PDE3B: variants seen among roughly 807,000 people sequenced by gnomAD.
PDE3B encodes cGMP-inhibited 3',5'-cyclic phosphodiesterase 3B.
Under a neutral mutation model 116.8 loss-of-function variants are expected in PDE3B, and 66 were observed. That is an observed-to-expected ratio of 0.56 (90% CI 0.46 to 0.69). The LOEUF is 0.69. Ranked by LOEUF, PDE3B falls within the 30% of genes least tolerant of loss-of-function variation. The pLI, the probability that PDE3B is intolerant of heterozygous loss-of-function variation, is 0.00. For synonymous variants in PDE3B, 595 were observed against 533.6 expected (o/e 1.12, Z -1.59); for missense variants, 1,384 against 1,368.1 (o/e 1.01, Z -0.18).
At chr11:14,670,710 A>G (rs7109892) in intron 1 of PDE3B, among the ~76,000 whole-genome samples, 2,369 of 152,244 alleles carry the variant, frequency 0.016, 55 homozygotes, top group African/African-American at 0.054. Context: ...ATAATAGTCT[A>G]TTACTTTATC....
intron 1 of PDE3B, among the ~76,000 whole-genome samples, chr11:14,679,582 G>T (rs933324706): frequency 2.0e-5 from 3 of 151,618 alleles, no homozygotes; most frequent in Admixed American, 2.0e-4. Flanking sequence ...TCTTCACTCG[G>T]GACCCTTGGT....
intron 2 of PDE3B, among the ~76,000 whole-genome samples, chr11:14,778,411 C>G (rs865821237): frequency 3.5e-4 from 54 of 152,232 alleles, no homozygotes; most frequent in African/African-American, 1.1e-3. Flanking sequence ...TGGGAGGCAT[C>G]TCCCAGTAGG....
chr11:14,657,888 G>C (rs146644221), intron 1 of PDE3B, among the ~76,000 whole-genome samples: 103 of 152,340 alleles, frequency 6.8e-4, no homozygotes, highest in Middle Eastern at 6.8e-3. Flanking sequence ...TGAGATATCA[G>C]AATACTACCT....
chr11:14,663,847 A>C (rs1176474585), intron 1 of PDE3B, among the ~76,000 whole-genome samples: 2 of 151,880 alleles, frequency 1.3e-5, no homozygotes, highest in Non-Finnish European at 2.9e-5. Flanking sequence ...CACTGTCAAC[A>C]TTAGATCAAC....
chr11:14,646,519 G>C (rs540774556), intron 1 of PDE3B, among the ~76,000 whole-genome samples: 9 of 152,130 alleles, frequency 5.9e-5, no homozygotes, highest in Non-Finnish European at 1.2e-4. Context: ...ATTTATTATG[G>C]AACAAAGTGG....
At chr11:14,704,590 A>G (rs564610110) in intron 1 of PDE3B, among the ~76,000 whole-genome samples, 3 of 151,886 alleles carry the variant, frequency 2.0e-5, no homozygotes, top group African/African-American at 4.8e-5. Flanking sequence ...TATGGACAAT[A>G]GACCCACACA....
intron 4 of PDE3B, among the ~76,000 whole-genome samples, chr11:14,797,814 T>C (rs1858603934): frequency 6.6e-6 from 1 of 152,208 alleles, no homozygotes; most frequent in African/African-American, 2.4e-5. Flanking sequence ...GCTTATCAGC[T>C]TAAGGAGATT....
intron 1 of PDE3B, among the ~76,000 whole-genome samples, chr11:14,650,201 GTTT>G (rs59519371): frequency 4.6e-5 from 6 of 130,826 alleles, no homozygotes; most frequent in African/African-American, 5.6e-5. Flanking sequence ...ATTCAGCAAT[GTTT>G]TTTTTTTTTT....
chr11:14,891,847 C>T, the PDE3B span: 4 of 1,414,924 alleles, frequency 2.8e-6, no homozygotes, highest in South Asian at 3.0e-5. Context: ...GCGGGTGTCC[C>T]TCAAAGGGCA....
At chr11:14,878,996 G>A in the PDE3B span, 2 of 831,072 alleles carry the variant, frequency 2.4e-6, no homozygotes, top group Admixed American at 2.2e-5. Flanking sequence ...AATCAGTTCT[G>A]TGTTTTTAGA....
chr11:14,721,525 A>C (rs1010545478), intron 1 of PDE3B, among the ~76,000 whole-genome samples: 1 of 151,834 alleles, frequency 6.6e-6, no homozygotes, highest in African/African-American at 2.4e-5. Flanking sequence ...GAACCGACCC[A>C]AATGTCCAAC....
At chr11:14,891,541 C>A in the PDE3B span, 3 of 1,009,424 alleles carry the variant, frequency 3.0e-6, no homozygotes, top group African/African-American at 5.2e-5. Context: ...TGCTATTAAC[C>A]ATCTAGAACT....
chr11:14,757,023 A>T (rs886611131), intron 1 of PDE3B, among the ~76,000 whole-genome samples: 1 of 143,754 alleles, frequency 7.0e-6, no homozygotes, highest in Non-Finnish European at 1.5e-5. Flanking sequence ...TCATTGTTCA[A>T]TTCCCACCTA....
At chr11:14,766,623 A>T (rs1857504814) in intron 1 of PDE3B, among the ~76,000 whole-genome samples, 1 of 151,658 alleles carries the variant, frequency 6.6e-6, no homozygotes, top group South Asian at 2.1e-4. Context: ...CATTGAACTC[A>T]GCATAATGTA....
chr11:14,851,380 C>G (rs548525489), intron 12 of PDE3B, among the ~76,000 whole-genome samples: 2 of 151,836 alleles, frequency 1.3e-5, no homozygotes, highest in Admixed American at 1.3e-4. Flanking sequence ...TTTCTTCAAT[C>G]TCTTTCATAT....
intron 3 of PDE3B, among the ~76,000 whole-genome samples, chr11:14,788,062 A>G (rs1241016429): frequency 6.6e-6 from 1 of 151,886 alleles, no homozygotes; most frequent in Non-Finnish European, 1.5e-5. Context: ...AAGGAAGGTT[A>G]TTTTGGGTTC....
chr11:14,719,085 G>T (rs1856017060), intron 1 of PDE3B, among the ~76,000 whole-genome samples: 1 of 72,072 alleles, frequency 1.4e-5, no homozygotes, highest in African/African-American at 5.9e-5. Flanking sequence ...AATGATAAAG[G>T]GGATATCACC....
the PDE3B span, among the ~76,000 whole-genome samples, chr11:14,892,403 C>CG: frequency 6.6e-6 from 1 of 152,180 alleles, no homozygotes; most frequent in Non-Finnish European, 1.5e-5. Flanking sequence ...CTTTGCGGAG[C>CG]GGGTGGCCGG....
chr11:14,841,747 C>G (rs1860233533), intron 11 of PDE3B, among the ~76,000 whole-genome samples: 1 of 27,514 alleles, frequency 3.6e-5, no homozygotes, highest in African/African-American at 1.4e-4. Flanking sequence ...TCAGGCTGGT[C>G]TAGAACTCCT....
Sources: gnomAD v4.1 joint callset for allele counts (sites outside exome capture counted in the v4.1 genomes callset) on GRCh38, gnomAD v4.1.1 for gene constraint, MANE v1.5 for transcripts, NCBI Gene and HGNC (gene_info 2026-07-23, HGNC 2026-07-21) for gene names.